Variants in SS18 observed in about 807,000 individuals in gnomAD.
The protein encoded by SS18 is protein SSXT.
A neutral mutation model predicts 72.5 loss-of-function variants in SS18; 28 were observed. The ratio of observed to expected loss-of-function variants is 0.39; its 90% confidence interval spans 0.29 to 0.53. The LOEUF is 0.53. Among genes scored for constraint, SS18 ranks in the 20% least tolerant of loss-of-function variants. SS18 has a pLI of 0.76. For synonymous variants in SS18, 172 were observed against 164.2 expected, an observed-to-expected ratio of 1.05 and a Z score of -0.37; for missense variants, 518 against 535.3, an observed-to-expected ratio of 0.97 and a Z score of 0.32.
intron 3 of SS18, 54 bp from the exon 4 acceptor site, chr18:26,057,796 G>A (rs1568014035): frequency 1.3e-6 from 2 of 1,516,270 alleles, no homozygotes; most frequent in East Asian, 2.3e-5. Context: ...TACGAAAGAT[G>A]CATAGGGTAA....
chr18:26,053,292 T>A (rs1195811157), intron 4 of SS18, among the ~76,000 whole-genome samples: 1 of 152,118 alleles, frequency 6.6e-6, no homozygotes, highest in Non-Finnish European at 1.5e-5. Flanking sequence ...TGGGGAGCCA[T>A]CTGGAAAAAA....
chr18:26,043,158 G>A (rs1343063672), intron 5 of SS18, among the ~76,000 whole-genome samples: 1 of 152,032 alleles, frequency 6.6e-6, no homozygotes, highest in African/African-American at 2.4e-5. Flanking sequence ...CAAACATCAA[G>A]GACCTTACCC....
intron 3 of SS18, among the ~76,000 whole-genome samples, chr18:26,072,184 TTTGA>T (rs921671340): frequency 6.6e-6 from 1 of 152,138 alleles, no homozygotes; most frequent in African/African-American, 2.4e-5. Flanking sequence ...TTTATGGTCC[TTTGA>T]TTGGGATGTA....
At chr18:26,028,539 C>T (rs1022154446) in intron 10 of SS18, among the ~76,000 whole-genome samples, 1 of 152,128 alleles carries the variant, frequency 6.6e-6, no homozygotes, top group Non-Finnish European at 1.5e-5. Flanking sequence ...CCCAAATGTC[C>T]CATCTCAATG....
intron 10 of SS18, among the ~76,000 whole-genome samples, chr18:26,028,569 A>G (rs757860131): frequency 9.2e-5 from 14 of 152,240 alleles, no homozygotes; most frequent in Non-Finnish European, 1.9e-4. Context: ...ATAGCCATAT[A>G]ATGGAACACT....
At chr18:26,018,486 C>T (rs1472466798) in intron 10 of SS18, 106 bp from the exon 11 acceptor site, 11 of 896,382 alleles carry the variant, frequency 1.2e-5, no homozygotes, top group Admixed American at 2.9e-5. Context: ...AAAAAAGCAG[C>T]CGTACCTACA....
intron 5 of SS18, among the ~76,000 whole-genome samples, chr18:26,049,843 C>CA (rs2053890145): frequency 6.6e-6 from 1 of 152,116 alleles, no homozygotes; most frequent in Middle Eastern, 3.4e-3. Flanking sequence ...TTCAAAATGA[C>CA]AAAAAAATAA....
chr18:26,019,419 T>C (rs1485488326), intron 10 of SS18, among the ~76,000 whole-genome samples: 11 of 152,144 alleles, frequency 7.2e-5, no homozygotes, highest in Admixed American at 5.9e-4. Context: ...CCATAAGAAA[T>C]GGTACCCTAA....
chr18:26,061,367 G>A (rs1222384359), intron 3 of SS18, among the ~76,000 whole-genome samples: 1 of 152,044 alleles, frequency 6.6e-6, no homozygotes, highest in Non-Finnish European at 1.5e-5. Flanking sequence ...TTTCAGCAAA[G>A]CCCTGTAATT....
rs186093297 is a variant in SS18 at position 26,050,234 on chromosome 18, C to T, written c.607+2390G>A. 9.8e-4 allele frequency among the ~76,000 whole-genome samples: 145 copies of T among 148,556 alleles called. 1 individual carries two copies. In the Middle Eastern group the frequency reaches 0.021, roughly 21 times the overall value. ...TGGGCGACAAAAAGTGAGACTCCAC[C>T]TCAAAAAAAAAAAAAAATTTGTGCT... On this transcript the variant is annotated intron_variant, in intron 5 of 10. Transcript: ENST00000415083.
At chr18:26,070,233 G>A (rs1414937149) in intron 3 of SS18, among the ~76,000 whole-genome samples, 1 of 152,184 alleles carries the variant, frequency 6.6e-6, no homozygotes, top group Non-Finnish European at 1.5e-5. Flanking sequence ...CACCAACTGA[G>A]AACCAACATT....
intron 3 of SS18, among the ~76,000 whole-genome samples, chr18:26,070,683 G>A (rs188316181): frequency 3.7e-4 from 56 of 152,208 alleles, no homozygotes; most frequent in Non-Finnish European, 7.1e-4. Context: ...CCAAACACAC[G>A]AAATAGAACT....
intron 3 of SS18, among the ~76,000 whole-genome samples, chr18:26,066,823 A>G (rs538208129): frequency 6.6e-6 from 1 of 152,330 alleles, no homozygotes; most frequent in East Asian, 1.9e-4. Flanking sequence ...GTGCCCCCAT[A>G]GACAAATTAT....
intron 2 of SS18, chr18:26,085,826 A>G (rs1035230177): frequency 6.6e-6 from 1 of 152,210 alleles, no homozygotes; most frequent in Non-Finnish European, 1.5e-5. Flanking sequence ...TTGGAATTAA[A>G]TAGAGGGTAA....
intron 1 of SS18, 136 bp downstream of exon 1, chr18:26,090,365 G>A: frequency 2.4e-6 from 2 of 835,432 alleles, no homozygotes; most frequent in Non-Finnish European, 3.8e-6. Flanking sequence ...AGCAGTCCGT[G>A]TTCCCAAACA....
intron 5 of SS18, among the ~76,000 whole-genome samples, chr18:26,046,265 C>A (rs1021190507): frequency 1.5e-5 from 2 of 133,652 alleles, no homozygotes; most frequent in African/African-American, 7.3e-5. Flanking sequence ...AAGTGTTTCA[C>A]TTCTTTGTAA....
intron 10 of SS18, among the ~76,000 whole-genome samples, chr18:26,029,284 A>G (rs1937651572): frequency 6.6e-6 from 1 of 152,224 alleles, no homozygotes; most frequent in African/African-American, 2.4e-5. Context: ...GTAGGCCAGT[A>G]TATCATATGG....
At chr18:26,033,878 TGATTTAGCTGCATTA>T (rs2053585592) in intron 9 of SS18, among the ~76,000 whole-genome samples, 1 of 152,208 alleles carries the variant, frequency 6.6e-6, no homozygotes, top group Non-Finnish European at 1.5e-5. Context: ...TGAATTTACC[TGATTTAGCTGCATTA>T]CATCTGTTTT....
intron 2 of SS18, among the ~76,000 whole-genome samples, chr18:26,086,263 G>C (rs901163331): frequency 1.3e-5 from 2 of 152,114 alleles, no homozygotes; most frequent in African/African-American, 4.8e-5. Context: ...GGGGAGTCCT[G>C]GAATCGATTC....
Sources: allele counts gnomAD v4.1 joint callset (sites outside exome capture counted in the v4.1 genomes callset), GRCh38; gene constraint gnomAD v4.1.1; transcripts MANE v1.5; gene names NCBI Gene and HGNC (gene_info 2026-07-23, HGNC 2026-07-21).